Variants in PDE10A observed in about 807,000 individuals in gnomAD.
PDE10A encodes phosphodiesterase 10A.
Under a neutral mutation model 97.7 loss-of-function variants are expected in PDE10A, and 39 were observed. The ratio of observed to expected loss-of-function variants is 0.40; its 90% CI spans 0.31 to 0.52. The LOEUF (loss-of-function observed/expected upper bound fraction) is 0.52. Ranked by LOEUF, PDE10A falls within the 20% of genes least tolerant of loss-of-function variation. The pLI is 0.56. For missense variants in PDE10A, 731 were observed against 1,047.8 expected (o/e 0.70, Z 4.17); for synonymous variants, 371 against 376.8 (o/e 0.98, Z 0.18).
chr6:165,921,546 G>A (rs1782752800), intron 1 of PDE10A, among the ~76,000 whole-genome samples: 1 of 152,174 alleles, frequency 6.6e-6, no homozygotes, highest in Admixed American at 6.5e-5. Context: ...AGGAGTGCTG[G>A]GGATACAGGC....
At chr6:165,352,819 C>T (rs909646619) in intron 18 of PDE10A, among the ~76,000 whole-genome samples, 4 of 151,994 alleles carry the variant, frequency 2.6e-5, no homozygotes, top group Admixed American at 2.6e-4. Flanking sequence ...AACACAAAGG[C>T]ATGATTCATG....
intron 1 of PDE10A, among the ~76,000 whole-genome samples, chr6:165,556,105 AT>A (rs1190066553): frequency 1.3e-5 from 2 of 152,196 alleles, no homozygotes; most frequent in Non-Finnish European, 2.9e-5. Context: ...AACTTATGTT[AT>A]TGATAAGGCT....
intron 1 of PDE10A, among the ~76,000 whole-genome samples, chr6:165,982,029 G>T (rs565220030): frequency 6.6e-6 from 1 of 152,140 alleles, no homozygotes; most frequent in Admixed American, 6.6e-5. Flanking sequence ...CCAGTTTCAG[G>T]CTCTCCCAAT....
At chr6:165,632,751 A>G (rs1392323722) in intron 1 of PDE10A, among the ~76,000 whole-genome samples, 1 of 152,230 alleles carries the variant, frequency 6.6e-6, no homozygotes, top group Non-Finnish European at 1.5e-5. Flanking sequence ...GTCGAATCCA[A>G]TACCTTTCAT....
chr6:165,744,514 C>A (rs1792800600), intron 1 of PDE10A, among the ~76,000 whole-genome samples: 1 of 152,036 alleles, frequency 6.6e-6, no homozygotes, highest in East Asian at 1.9e-4. Context: ...GGCCTATACA[C>A]ATTTATAAAA....
chr6:165,716,784 C>A (rs537898599), intron 1 of PDE10A, among the ~76,000 whole-genome samples: 14 of 152,212 alleles, frequency 9.2e-5, no homozygotes, highest in East Asian at 7.7e-4. Context: ...GTCTAAGAAC[C>A]AAAATCTTTT....
intron 1 of PDE10A, among the ~76,000 whole-genome samples, chr6:165,980,676 C>T (rs551625360): frequency 1.2e-4 from 19 of 152,264 alleles, no homozygotes; most frequent in African/African-American, 3.6e-4. Flanking sequence ...ACCAGGGTCA[C>T]GTAGGTGACA....
intron 18 of PDE10A, among the ~76,000 whole-genome samples, chr6:165,371,871 T>C (rs931471006): frequency 6.6e-6 from 1 of 152,098 alleles, no homozygotes; most frequent in African/African-American, 2.4e-5. Context: ...TCAAAAAGCT[T>C]ATCCACCATG....
chr6:165,719,258 A>G (rs1269915788), intron 1 of PDE10A, among the ~76,000 whole-genome samples: 2 of 152,228 alleles, frequency 1.3e-5, no homozygotes, highest in Non-Finnish European at 2.9e-5. Flanking sequence ...GGCACAGCAC[A>G]CACTGGGGCA....
At chr6:165,394,505 A>G (rs1255938324) in intron 15 of PDE10A, among the ~76,000 whole-genome samples, 1 of 152,080 alleles carries the variant, frequency 6.6e-6, no homozygotes, top group Non-Finnish European at 1.5e-5. Context: ...CTTTGCTATT[A>G]TGAACAGTGC....
At chr6:165,510,962 A>C (rs568645944) in intron 2 of PDE10A, among the ~76,000 whole-genome samples, 1 of 151,870 alleles carries the variant, frequency 6.6e-6, no homozygotes, top group Admixed American at 6.6e-5. Context: ...ACTTTTCCAA[A>C]ACCCAACATT....
At chr6:165,931,663 A>G (rs569148945) in intron 1 of PDE10A, among the ~76,000 whole-genome samples, 29 of 152,326 alleles carry the variant, frequency 1.9e-4, no homozygotes, top group African/African-American at 6.3e-4. Context: ...TGATATTTGT[A>G]TTCCTTGTCT....
At chr6:165,399,326 T>C (rs1477506445) in intron 13 of PDE10A, among the ~76,000 whole-genome samples, 7 of 152,190 alleles carry the variant, frequency 4.6e-5, no homozygotes, top group Admixed American at 3.3e-4. Context: ...TAAAAGCTGA[T>C]TCTATAATTT....
intron 18 of PDE10A, among the ~76,000 whole-genome samples, chr6:165,362,862 C>A (rs886161308): frequency 1.3e-5 from 2 of 152,140 alleles, no homozygotes; most frequent in African/African-American, 4.8e-5. Flanking sequence ...CAACTATACA[C>A]CATTATTACC....
intron 1 of PDE10A, among the ~76,000 whole-genome samples, chr6:165,983,315 G>C (rs1160135155): frequency 6.6e-6 from 1 of 152,090 alleles, no homozygotes; most frequent in Non-Finnish European, 1.5e-5. Flanking sequence ...AACAATAGAG[G>C]GGCCACACAG....
intron 1 of PDE10A, among the ~76,000 whole-genome samples, chr6:165,619,152 G>GTGTAGTCTAGTGTCA (rs1787895088): frequency 7.3e-6 from 1 of 137,100 alleles, no homozygotes; most frequent in Admixed American, 7.0e-5. Context: ...GTCTAGTGTC[G>GTGTAGTCTAGTGTCA]TGTAGTGTAG....
intron 1 of PDE10A, among the ~76,000 whole-genome samples, chr6:165,684,453 C>T (rs1029432884): frequency 3.9e-5 from 6 of 152,200 alleles, no homozygotes; most frequent in Admixed American, 3.9e-4. Flanking sequence ...ACAATGAAGC[C>T]GCCATCTCCT....
intron 1 of PDE10A, among the ~76,000 whole-genome samples, chr6:165,684,640 C>G (rs1791066929): frequency 6.6e-6 from 1 of 152,192 alleles, no homozygotes; most frequent in Non-Finnish European, 1.5e-5. Flanking sequence ...ACTAGGTCTT[C>G]CAGTGGTGTG....
chr6:165,580,698 G>A (rs1785564272), intron 1 of PDE10A, among the ~76,000 whole-genome samples: 1 of 152,160 alleles, frequency 6.6e-6, no homozygotes, highest in Admixed American at 6.5e-5. Flanking sequence ...CATATATATG[G>A]TGTAATGAGA....
Sources: allele counts gnomAD v4.1 joint callset (sites outside exome capture counted in the v4.1 genomes callset), GRCh38; gene constraint gnomAD v4.1.1; transcripts MANE v1.5; gene names NCBI Gene and HGNC (gene_info 2026-07-23, HGNC 2026-07-21).